The following RAB11FIP3 variants were observed in gnomAD, a reference collection of about 807,000 sequenced individuals.
RAB11FIP3 encodes the protein RAB11 family interacting protein 3, also known as rab11 family-interacting protein 3.
RAB11FIP3 carries 17 observed loss-of-function variants against 77.8 expected under a neutral mutation model. The ratio of observed to expected loss-of-function variants is 0.22; its 90% CI spans 0.15 to 0.33. The LOEUF (loss-of-function observed/expected upper bound fraction) is 0.33. Ranked by LOEUF, RAB11FIP3 falls within the 10% of genes least tolerant of loss-of-function variation. The pLI, the probability that RAB11FIP3 is intolerant of heterozygous loss-of-function variation, is 1.00. For synonymous variants in RAB11FIP3, 437 were observed against 448.2 expected, an observed-to-expected ratio of 0.98 and a Z score of 0.31; for missense variants, 1,005 against 1,011.2, an observed-to-expected ratio of 0.99 and a Z score of 0.08.
rs779677948 is a variant in RAB11FIP3, at chr16:519,822, G to A, written c.1791G>A (p.Lys597=). Residue 597 remains lysine, a synonymous_variant, in exon 11 of 14, where the codon AAG becomes AAA. Coordinates refer to ENST00000262305, the MANE Select transcript of RAB11FIP3 (RefSeq NM_014700.4). The part of the protein sequence containing the change: ...TLRLSEEQEN[K]RRMGDRLSHE... ...GGCTCAGTGAAGAGCAGGAGAACAA[G>A]AGGAGAATGGGGGACAGGCTGAGTC... The A allele has an allele frequency of 1.9e-6, 3 of 1,606,380 alleles. No homozygotes were observed. Among genetic ancestry groups the A allele is most frequent in the Non-Finnish European group, 2.5e-6 (3 of 1,176,662 alleles).
chr16:464,521 CG>C (rs1201566180), intron 2 of RAB11FIP3, among the ~76,000 whole-genome samples: 2 of 152,122 alleles, frequency 1.3e-5, no homozygotes, highest in African/African-American at 4.8e-5. Flanking sequence ...CCATGACCCT[CG>C]GGATGAGTTT....
At chr16:451,468 G>C (rs1036067061) in intron 1 of RAB11FIP3, 7 of 152,250 alleles carry the variant, frequency 4.6e-5, no homozygotes, top group African/African-American at 1.4e-4. Flanking sequence ...GTCAGGGAGG[G>C]GTAGCTGTGG....
chr16:497,213 T>C lies in RAB11FIP3; in HGVS notation c.1301+354T>C. On this transcript the variant is annotated intron_variant, in intron 6 of 13. Transcript: ENST00000262305. ...GAGCCTGGCTTCTCAGAGCCGGGTC[T>C]GGGCAGCTCCCCAAGGTGAGTCGAA... 6 of 1,241,994 alleles carry C rather than the reference T, an allele frequency of 4.8e-6. No individual in the cohort carries two copies. The South Asian group carries it at 5.1e-5, about 11-fold the overall frequency. The allele number at this position is 1,241,994 out of a possible 1,614,324, so 76.9% of individuals were successfully genotyped here. A position where few individuals can be genotyped will look rare whatever the true frequency, so the allele number is the denominator to read the frequency against.
chr16:479,850 C>G lies in RAB11FIP3; in HGVS notation c.904-2675C>G, dbSNP rs868554409. 3.9e-5 allele frequency among the ~76,000 whole-genome samples: 6 copies of G among 151,980 alleles called. No homozygotes were observed. The South Asian group carries it at 1.0e-3, about 26-fold the overall frequency. ...GGAGGATCACTTGAGCCCAGGAGAT[C>G]AAGGCTGCAGTGAGCTGAGATTACA... On this transcript the variant is annotated intron_variant, in intron 3 of 13. Coordinates refer to ENST00000262305, the MANE Select transcript of RAB11FIP3 (RefSeq NM_014700.4).
intron 2 of RAB11FIP3, among the ~76,000 whole-genome samples, chr16:465,251 C>T (rs1172933815): frequency 5.3e-5 from 8 of 152,052 alleles, no homozygotes; most frequent in Admixed American, 1.3e-4. Flanking sequence ...CGGGGACCCC[C>T]AGAACTGGTT....
chr16:517,551 A>T (rs1186438511), intron 9 of RAB11FIP3, among the ~76,000 whole-genome samples: 1 of 152,050 alleles, frequency 6.6e-6, no homozygotes, highest in Non-Finnish European at 1.5e-5. Flanking sequence ...TAACAGAGCG[A>T]GACCCTCTCT....
At chr16:492,640 G>A (rs1385088202) in intron 5 of RAB11FIP3, among the ~76,000 whole-genome samples, 1 of 151,808 alleles carries the variant, frequency 6.6e-6, no homozygotes, top group East Asian at 1.9e-4. Context: ...GGCGACGATG[G>A]CTCAGCCTGC....
At chr16:474,935 A>C in intron 3 of RAB11FIP3, 1 of 1,547,178 alleles carries the variant, frequency 6.5e-7, no homozygotes, top group East Asian at 2.5e-5. Context: ...CAGAAACCCC[A>C]GCATGACAAG....
Position 482,830 on chromosome 16 carries a change from G to A in RAB11FIP3, c.1115+94G>A, listed in dbSNP as rs902856764. ...GCAGACTGGGGTCTTGGAGGAGTGC[G>A]TGCTGGTTAGCATCCATTATGTGGG... is the stretch of plus-strand genomic sequence containing the variant. On this transcript the variant is annotated intron_variant, in intron 4 of 13. Transcript: ENST00000262305. The A allele has an allele frequency of 1.3e-5, 17 of 1,313,942 alleles. No homozygotes were observed. In the Middle Eastern group the frequency reaches 7.6e-4, roughly 59 times the overall value. The allele number at this position is 1,313,942 out of a possible 1,614,324, so 81.4% of individuals were successfully genotyped here.
chr16:485,026 G>A (rs1421779810), intron 4 of RAB11FIP3, among the ~76,000 whole-genome samples: 3 of 152,004 alleles, frequency 2.0e-5, no homozygotes, highest in Non-Finnish European at 4.4e-5. Context: ...TGCGCTTCCC[G>A]GGTGACTAAT....
At chr16:490,514 T>A (rs772734545) in intron 5 of RAB11FIP3, among the ~76,000 whole-genome samples, 3 of 152,116 alleles carry the variant, frequency 2.0e-5, no homozygotes, top group Non-Finnish European at 4.4e-5. Context: ...TAATTTTGTA[T>A]TTTTTGTAGA....
chr16:437,253 G>T (rs567721207), intron 1 of RAB11FIP3, among the ~76,000 whole-genome samples: 2 of 151,664 alleles, frequency 1.3e-5, no homozygotes, highest in African/African-American at 4.8e-5. Flanking sequence ...ACTCCAGCCT[G>T]GGCGACAGAG....
chr16:458,061 C>T lies in RAB11FIP3; in HGVS notation c.715-3343C>T, dbSNP rs552545990. On this transcript the variant is annotated intron_variant, in intron 1 of 13. Transcript: ENST00000262305. Reference sequence around the variant, plus strand: ...GGCCTCTTCCGTTGTGAAGGGGAAGCGGAAACTCAGTCTCTGGCTCAGGAA... The same window carrying T: ...GGCCTCTTCCGTTGTGAAGGGGAAGTGGAAACTCAGTCTCTGGCTCAGGAA... 3.3e-5 allele frequency among the ~76,000 whole-genome samples: 5 copies of T among 152,340 alleles called. No individual in the cohort carries two copies. The South Asian group carries it at 8.3e-4, about 25-fold the overall frequency.
intron 3 of RAB11FIP3, among the ~76,000 whole-genome samples, chr16:479,899 C>CAAAG (rs2055999102): frequency 2.0e-5 from 3 of 149,316 alleles, no homozygotes. Flanking sequence ...GCCTGGGTCT[C>CAAAG]AAAGAGAGAC....
At chr16:474,857 C>A in intron 3 of RAB11FIP3, 1 of 1,448,474 alleles carries the variant, frequency 6.9e-7, no homozygotes, top group Non-Finnish European at 9.1e-7. Flanking sequence ...TTTATTAGAG[C>A]GTGTCTGGGA....
intron 5 of RAB11FIP3, among the ~76,000 whole-genome samples, chr16:490,160 C>T (rs2030048909): frequency 6.6e-6 from 1 of 152,228 alleles, no homozygotes; most frequent in Non-Finnish European, 1.5e-5. Flanking sequence ...TTGTATGTTT[C>T]ACTTTTCACC....
At chr16:448,977 A>G (rs1486941008) in intron 1 of RAB11FIP3, among the ~76,000 whole-genome samples, 20 of 152,172 alleles carry the variant, frequency 1.3e-4, no homozygotes, top group Admixed American at 1.3e-3. Context: ...GATGGAAATT[A>G]TACCTGAAAT....
Position 520,760 on chromosome 16 carries a change from A to T in RAB11FIP3, c.2192A>T (p.Asn731Ile). The T allele has an allele frequency of 1.9e-6, 3 of 1,613,792 alleles. No homozygotes were observed. Among genetic ancestry groups the T allele is most frequent in the Non-Finnish European group, 2.5e-6 (3 of 1,180,022 alleles). Residue 731 changes from asparagine (N) to isoleucine (I), a missense_variant, in exon 14 of 14, where the codon AAC (asparagine) becomes ATC (isoleucine). Physicochemically the swap from Asn to Ile is moderately radical, Grantham distance 149. Coordinates refer to ENST00000262305, the MANE Select transcript of RAB11FIP3 (RefSeq NM_014700.4). Reference sequence around the variant, plus strand: ...GCGATTCAGAAGCAGGAGGAGATCAACTTCCGCCTGCAGGACTACATCGAC... The same window carrying T: ...GCGATTCAGAAGCAGGAGGAGATCATCTTCCGCCTGCAGGACTACATCGAC... ...MEAIQKQEEI[N>I]FRLQDYIDRI...
At chr16:450,575 G>A (rs931304142) in intron 1 of RAB11FIP3, among the ~76,000 whole-genome samples, 1 of 152,184 alleles carries the variant, frequency 6.6e-6, no homozygotes, top group Non-Finnish European at 1.5e-5. Flanking sequence ...CCCCATGGGG[G>A]CTGGTGTTAC....
Sources: allele counts gnomAD v4.1 joint callset (sites outside exome capture counted in the v4.1 genomes callset), GRCh38; gene constraint gnomAD v4.1.1; transcripts MANE v1.5; gene names NCBI Gene and HGNC (gene_info 2026-07-23, HGNC 2026-07-21).